The following FREM1 variants were observed in gnomAD, a reference collection of about 807,000 sequenced individuals.
The protein encoded by FREM1 is FRAS1 related extracellular matrix 1.
FREM1 carries 220 observed loss-of-function variants against 210.1 expected under a neutral mutation model. The ratio of observed to expected loss-of-function variants is 1.05; its 90% CI spans 0.94 to 1.17. The LOEUF (loss-of-function observed/expected upper bound fraction) is 1.17, where lower values mean the gene tolerates loss of function less well. Ranked by LOEUF, FREM1 falls within the 50% of genes most tolerant of loss-of-function variation. The pLI is 0.00. For missense variants in FREM1, 3,454 were observed against 2,675.5 expected (o/e 1.29, Z -6.42); for synonymous variants, 1,189 against 980.2 (o/e 1.21, Z -3.98).
chr9:14,860,662 T>TATAC (rs1829770416), intron 3 of FREM1, among the ~76,000 whole-genome samples: 1 of 133,232 alleles, frequency 7.5e-6, no homozygotes, highest in African/African-American at 3.2e-5. Flanking sequence ...TACACATATA[T>TATAC]ACATATATAC....
chr9:14,899,934 C>T lies in FREM1; in HGVS notation c.-268+9980G>A, dbSNP rs1017186062. 2.6e-5 allele frequency among the ~76,000 whole-genome samples: 4 copies of T among 152,152 alleles called. 1 individual carries two copies. Among genetic ancestry groups the T allele is most frequent in the Admixed American group, 2.0e-4 (3 of 15,272 alleles). ...CTTGGTTTTGCTCAGTTCAGCACACCAAATTCCAGGGCACCATTTATGCTG... is the reference window on the plus strand; with the variant it reads ...CTTGGTTTTGCTCAGTTCAGCACACTAAATTCCAGGGCACCATTTATGCTG... On this transcript the variant is annotated intron_variant, in intron 1 of 36. Coordinates refer to ENST00000380880, the MANE Select transcript of FREM1 (RefSeq NM_001379081.2).
chr9:14,859,259 A>T lies in FREM1; in HGVS notation c.555T>A (p.His185Gln). 6.2e-7 allele frequency: 1 copy of T among 1,613,720 alleles called. No individual in the cohort carries two copies. The highest frequency in any genetic ancestry group is 8.5e-7 in the Non-Finnish European group (1 of 1,179,686). Reference protein sequence around the residue: ...LDTARTRLPAHGQMVLGEPRP... With the variant: ...LDTARTRLPAQGQMVLGEPRP... The stretch of plus-strand genomic sequence containing the variant: ...GAGGCTCCCCGAGAACCATCTGGCC[A>T]TGGGCTGGCAGCCGAGTTCTCGCAG... The change falls in exon 4 of 37, where the codon CAT becomes CAA. Residue 185 changes from histidine to glutamine, a missense_variant. By Grantham distance (24) the His-to-Gln change is conservative. Coordinates refer to ENST00000380880, the MANE Select transcript of FREM1 (RefSeq NM_001379081.2).
intron 1 of FREM1, among the ~76,000 whole-genome samples, chr9:14,871,268 C>A (rs891923766): frequency 1.3e-5 from 2 of 152,184 alleles, no homozygotes; most frequent in African/African-American, 4.8e-5. Context: ...TACAGTCCTA[C>A]CAACAGTGTA....
At chr9:14,826,413 T>G (rs919088165) in intron 10 of FREM1, among the ~76,000 whole-genome samples, 3 of 152,164 alleles carry the variant, frequency 2.0e-5, no homozygotes, top group Admixed American at 6.6e-5. Flanking sequence ...TTTTACTACC[T>G]TTTAACATCA....
chr9:14,790,609 T>G (rs1851141860), intron 22 of FREM1: 1 of 152,150 alleles, frequency 6.6e-6, no homozygotes, highest in South Asian at 2.1e-4. Flanking sequence ...TAAGACTGAC[T>G]TAATAAAATC....
intron 1 of FREM1, among the ~76,000 whole-genome samples, chr9:14,905,963 G>C (rs1437222330): frequency 2.6e-5 from 4 of 152,120 alleles, no homozygotes; most frequent in Admixed American, 2.0e-4. Context: ...GGCCACGGGA[G>C]TGGTGGGTTG....
At chr9:14,831,329 A>G (rs10756619) in intron 10 of FREM1, among the ~76,000 whole-genome samples, 65,915 of 152,098 alleles carry the variant, frequency 0.43, 14,711 homozygotes, top group African/African-American at 0.55. Context: ...CTAGGAACAA[A>G]GTTACAGCGA....
At chr9:14,818,453 T>C (rs765723933) in intron 14 of FREM1, among the ~76,000 whole-genome samples, 10 of 152,248 alleles carry the variant, frequency 6.6e-5, no homozygotes, top group Non-Finnish European at 1.3e-4. Flanking sequence ...AAGCATCTGA[T>C]GTATAATATC....
chr9:14,797,673 T>G (rs1316378190), intron 20 of FREM1, 31 bp from the exon 21 acceptor site: 4 of 1,578,880 alleles, frequency 2.5e-6, no homozygotes, highest in African/African-American at 1.3e-5. Context: ...AAGTAAATCT[T>G]CCTTATGATT....
Position 14,747,360 on chromosome 9 carries a change from T to C in FREM1, c.5913A>G (p.Val1971=), listed in dbSNP as rs1842652924. 2 of 1,613,792 alleles carry C rather than the reference T, an allele frequency of 1.2e-6. No homozygotes were observed. Among genetic ancestry groups the C allele is most frequent in the South Asian group, 1.1e-5 (1 of 91,076 alleles). The part of the protein sequence containing the change: ...SFPTHKRKAK[V]SIISQPQKTI... ...TCTTTTGTGGCTGACTAATGATGGA[T>C]ACTTTGGCCTTCCTTTTGTGAGTTG... Residue 1971 remains valine (V), a synonymous_variant, in exon 33 of 37, where the codon GTA becomes GTG. Coordinates refer to ENST00000380880, the MANE Select transcript of FREM1 (RefSeq NM_001379081.2).
At chr9:14,766,571 T>C (rs998568012) in intron 27 of FREM1, among the ~76,000 whole-genome samples, 3 of 152,160 alleles carry the variant, frequency 2.0e-5, no homozygotes, top group African/African-American at 7.2e-5. Flanking sequence ...CTAATGCTTT[T>C]TAGAGTGGAG....
intron 27 of FREM1, among the ~76,000 whole-genome samples, chr9:14,761,165 T>C (rs1163353396): frequency 6.6e-6 from 1 of 152,128 alleles, no homozygotes; most frequent in Non-Finnish European, 1.5e-5. Flanking sequence ...CTGGGGCCAT[T>C]CATATTAGGG....
chr9:14,836,794 G>C lies in FREM1; in HGVS notation c.1881+4653C>G, dbSNP rs150322827. Among the ~76,000 whole-genome samples, 1 of 152,080 alleles carries C rather than the reference G, an allele frequency of 6.6e-6. No homozygotes were observed. The highest frequency in any genetic ancestry group is 1.5e-5 in the Non-Finnish European group (1 of 68,012). The stretch of plus-strand genomic sequence containing the variant: ...CCCTAACTGCTGTTCCCCATTCAAC[G>C]CCCCTTTTAAGTAGGAAGTAGCCAG... On this transcript the variant is annotated intron_variant, in intron 10 of 36. Coordinates refer to ENST00000380880, the MANE Select transcript of FREM1 (RefSeq NM_001379081.2). The surrounding 1 kb of genome is among the most constrained non-coding windows in gnomAD (Gnocchi z 4.9).
At chr9:14,867,003 G>C (rs116460845) in intron 2 of FREM1, among the ~76,000 whole-genome samples, 12,112 of 152,028 alleles carry the variant, frequency 0.08, 1,443 homozygotes, top group African/African-American at 0.26. Context: ...AGGCTTACAG[G>C]TATGTGCCAC....
chr9:14,808,145 C>T lies in FREM1; in HGVS notation c.2894-11G>A, dbSNP rs756241386. 6.5e-7 allele frequency: 1 copy of T among 1,549,908 alleles called. No homozygotes were observed. Among genetic ancestry groups the T allele is most frequent in the Non-Finnish European group, 8.7e-7 (1 of 1,145,600 alleles). On this transcript the variant is annotated splice_polypyrimidine_tract_variant and intron_variant, in intron 16 of 36. Coordinates refer to ENST00000380880, the MANE Select transcript of FREM1 (RefSeq NM_001379081.2). ...GGCCAATCTCGCCACCTGGAAGACA[C>T]AACTATAGCTGAAACCTGCCTTTTA...
chr9:14,785,318 T>C (rs908988613), intron 23 of FREM1, among the ~76,000 whole-genome samples: 1 of 152,326 alleles, frequency 6.6e-6, no homozygotes, highest in African/African-American at 2.4e-5. Context: ...TCATTAGTTA[T>C]ATGAGCAAGC....
chr9:14,894,669 C>G (rs572318665), intron 1 of FREM1, among the ~76,000 whole-genome samples: 24 of 152,236 alleles, frequency 1.6e-4, no homozygotes, highest in African/African-American at 5.5e-4. Flanking sequence ...ACCAAGAAAA[C>G]TTTTCTATTA....
intron 20 of FREM1, 53 bp downstream of exon 20, chr9:14,801,599 G>A (rs1220538662): frequency 8.0e-7 from 1 of 1,257,664 alleles, no homozygotes; most frequent in African/African-American, 1.5e-5. Context: ...ATAAGTATGG[G>A]TTAAATTATT....
chr9:14,805,229 T>C (rs1818152970), intron 18 of FREM1, 77 bp from the exon 19 acceptor site: 1 of 735,212 alleles, frequency 1.4e-6, no homozygotes, highest in Non-Finnish European at 2.1e-6. Context: ...CTTAACCCAA[T>C]AATAGTCAAT....
Sources: gnomAD v4.1 joint callset for allele counts (sites outside exome capture counted in the v4.1 genomes callset) on GRCh38, gnomAD v4.1.1 for gene constraint, Gnocchi (gnomAD v3.1) non-coding constraint, MANE v1.5 for transcripts, NCBI Gene and HGNC (gene_info 2026-07-23, HGNC 2026-07-21) for gene names.